Variants in IRX4 observed in about 807,000 individuals in gnomAD.
IRX4 encodes the protein iroquois-class homeodomain protein IRX-4.
A neutral mutation model predicts 32.0 loss-of-function variants in IRX4; 22 were observed. The ratio of observed to expected loss-of-function variants is 0.69; its 90% CI spans 0.49 to 0.98. The LOEUF is 0.98. Among genes scored for constraint, IRX4 ranks in the 50% least tolerant of loss-of-function variants. IRX4 has a pLI of 0.00. For missense variants in IRX4, 840 were observed against 744.2 expected, an observed-to-expected ratio of 1.13 and a Z score of -1.50; for synonymous variants, 379 against 351.7, an observed-to-expected ratio of 1.08 and a Z score of -0.87.
In IRX4 at chr5:1,878,652, G is replaced by T; in HGVS notation, c.877C>A (p.Pro293Thr). ...DGGLERVPAA[P>T]DGPVKEASGA... ...GAGGCCTCCTTGACCGGGCCGTCGG[G>T]CGCGGCGGGGACGCGCTCCAGACCG... is the stretch of plus-strand genomic sequence containing the variant. Residue 293 changes from proline to threonine, a missense_variant, in exon 5 of 5, where the codon CCC becomes ACC. Physicochemically the swap from Pro to Thr is conservative, Grantham distance 38 (BLOSUM62 -1). Around this residue, in one of 3 missense-constraint regions of IRX4, gnomAD observed 585 missense variants for 488.0 expected, o/e 1.20. Transcript: ENST00000231357. 6.4e-7 allele frequency: 1 copy of T among 1,565,328 alleles called. No homozygotes were observed. The highest frequency in any genetic ancestry group is 8.7e-7 in the Non-Finnish European group (1 of 1,155,676).
rs767917402 is a variant in IRX4, at chr5:1,880,860, G to A, written c.298-26C>T. 20 of 1,578,102 alleles carry A rather than the reference G, an allele frequency of 1.3e-5. No homozygotes were observed. The Admixed American group carries it at 2.2e-4, about 17-fold the overall frequency. ...CTGTGGGAGCCAAGAGTCTGGGGTC[G>A]CAGTTTCCAGGGAGGCAACCCCACT... On this transcript the variant is annotated intron_variant, in intron 2 of 4. Transcript: ENST00000231357.
At position 1,881,901 on chromosome 5, in the gene IRX4, C is replaced by T. The variant is rs1481344275; in HGVS notation, c.204G>A (p.Ala68=). The T allele has an allele frequency of 6.3e-7, 1 of 1,584,936 alleles. No individual in the cohort carries two copies. Among genetic ancestry groups the T allele is most frequent in the Non-Finnish European group, 8.6e-7 (1 of 1,166,478 alleles). ...AGGGACCCCCATAGACGCCCAGCGC[C>T]GCGGCCGAGTTGAGCTCGTGGCGCG... ...ATARHELNSA[A]ALGVYGGPYG... is the part of the protein sequence containing the mutation. The change falls in exon 2 of 5, where the codon GCG becomes GCA. Residue 68 remains alanine (A), a synonymous_variant. Coordinates refer to ENST00000231357, the MANE Select transcript of IRX4 (RefSeq NM_016358.3).
chr5:1,883,578 C>T (rs748184357), upstream of IRX4, among the ~76,000 whole-genome samples: 1 of 152,246 alleles, frequency 6.6e-6, no homozygotes, highest in South Asian at 2.1e-4. Context: ...TTAGTTGGAG[C>T]CCGACACCCT....
At position 1,877,804 on chromosome 5, in the gene IRX4, G is replaced by T; in HGVS notation, c.*165C>A. On this transcript the variant is annotated 3_prime_UTR_variant, in exon 5 of 5. Transcript: ENST00000231357. Reference sequence around the variant, plus strand: ...GCGGTGGAGGCCCCGGCGTGGCAGCGCCGGGCTTGTCCATGTTCCCAGGAG... The same window carrying T: ...GCGGTGGAGGCCCCGGCGTGGCAGCTCCGGGCTTGTCCATGTTCCCAGGAG... 1.5e-6 allele frequency: 1 copy of T among 668,204 alleles called. No homozygotes were observed. Among genetic ancestry groups the T allele is most frequent in the Non-Finnish European group, 2.4e-6 (1 of 420,780 alleles). The allele number at this position is 668,204 out of a possible 1,614,324, so 41.4% of individuals were successfully genotyped here. A position where few individuals can be genotyped will look rare whatever the true frequency, so the allele number is the denominator to read the frequency against.
At chr5:1,883,266 G>A (rs892022621), upstream of IRX4, among the ~76,000 whole-genome samples, 4 of 152,182 alleles carry the variant, frequency 2.6e-5, no homozygotes, top group African/African-American at 9.7e-5. Context: ...GTAATCATTC[G>A]TCTCAATTAC....
At chr5:1,884,571 G>T (rs1735568856), upstream of IRX4, 1 of 152,250 alleles carries the variant, frequency 6.6e-6, no homozygotes, top group South Asian at 2.1e-4. Flanking sequence ...ATGAATAGCC[G>T]CTCCATGCAA....
In IRX4 at chr5:1,882,057, G is replaced by C; in HGVS notation, c.48C>G (p.Phe16Leu). 1 of 1,552,930 alleles carries C rather than the reference G, an allele frequency of 6.4e-7. No individual in the cohort carries two copies. The highest frequency in any genetic ancestry group is 8.7e-7 in the Non-Finnish European group (1 of 1,149,888). Residue 16 changes from phenylalanine (F) to leucine (L), a missense_variant and splice_region_variant, in exon 2 of 5, where the codon TTC (phenylalanine) becomes TTG (leucine). Around this residue, in one of 3 missense-constraint regions of IRX4, gnomAD observed 241 missense variants for 220.8 expected, o/e 1.09. Coordinates refer to ENST00000231357, the MANE Select transcript of IRX4 (RefSeq NM_016358.3). ...TGCTCAGGGAGTTGGTGGCCATCAA[G>C]AACTGCAGAGAGAGGCCGCGAGGAC... The part of the protein sequence containing the change: ...FGYPYSSAPQ[F>L]LMATNSLSTC...
upstream of IRX4, among the ~76,000 whole-genome samples, chr5:1,885,061 G>C (rs116333777): frequency 6.6e-6 from 1 of 152,156 alleles, no homozygotes; most frequent in African/African-American, 2.4e-5. Context: ...ACCTATACTC[G>C]GGGACCTGGC....
At position 1,877,750 on chromosome 5, in the gene IRX4, G is replaced by C; in HGVS notation, c.*219C>G. The C allele has an allele frequency of 1.9e-6, 1 of 529,822 alleles. No homozygotes were observed. The highest frequency in any genetic ancestry group is 3.3e-6 in the Non-Finnish European group (1 of 305,674). The allele number at this position is 529,822 out of a possible 1,614,324, so 32.8% of individuals were successfully genotyped here. A position where few individuals can be genotyped will look rare whatever the true frequency, so the allele number is the denominator to read the frequency against. On this transcript the variant is annotated 3_prime_UTR_variant, in exon 5 of 5. Transcript: ENST00000231357. ...GCCTCTCCTTCCGCGTCCCAAATTT[G>C]GGAATGGCCCGGTCAGGCTCAGGCC...
Position 1,882,013 on chromosome 5 carries a change from C to T in IRX4, c.92G>A (p.Gly31Asp), listed in dbSNP as rs972663748. ...NSLSTCCESG[G>D]RTLADSGPAA... The stretch of plus-strand genomic sequence containing the variant: ...GGGCCCGGAGTCCGCCAGCGTGCGG[C>T]CTCCGGACTCGCAGCACGTGCTCAG... Residue 31 changes from glycine to aspartate, a missense_variant, in exon 2 of 5, where the codon GGC (glycine) becomes GAC (aspartate). Physicochemically the swap from Gly to Asp is moderately conservative, Grantham distance 94. This residue lies in a region of IRX4 where 241 missense variants were observed against 220.8 expected (regional missense o/e 1.09). Transcript: ENST00000231357. 15 of 1,547,986 alleles carry T rather than the reference C, an allele frequency of 9.7e-6. No homozygotes were observed. The highest frequency in any genetic ancestry group is 1.2e-5 in the Non-Finnish European group (14 of 1,146,778).
At chr5:1,880,067 G>A (rs544290020) in intron 3 of IRX4, 4 of 1,533,946 alleles carry the variant, frequency 2.6e-6, no homozygotes, top group East Asian at 2.4e-5. Flanking sequence ...TAAACTTACA[G>A]GGAGCCTGGG....
At chr5:1,885,037 C>T (rs1034089988), upstream of IRX4, among the ~76,000 whole-genome samples, 3 of 152,224 alleles carry the variant, frequency 2.0e-5, no homozygotes, top group Admixed American at 6.5e-5. Context: ...TCAGCTGTGG[C>T]TTGTCCTTTC....
chr5:1,884,233 G>C (rs1579257627), upstream of IRX4: 2 of 152,296 alleles, frequency 1.3e-5, no homozygotes, highest in Admixed American at 1.3e-4. Context: ...AAGTTGGGAA[G>C]GAAGCCGTGC....
At position 1,877,476 on chromosome 5, in the gene IRX4, C is replaced by G. The variant is rs1304328088; in HGVS notation, c.*493G>C. On this transcript the variant is annotated 3_prime_UTR_variant, in exon 5 of 5. Coordinates refer to ENST00000231357, the MANE Select transcript of IRX4 (RefSeq NM_016358.3). ...TTGTTATATTAGCCTCTGAAGCAGG[C>G]AATTATTGGTGTGAACATACATCTT... The G allele has an allele frequency of 6.5e-6, 1 of 154,662 alleles. No individual in the cohort carries two copies. The highest frequency in any genetic ancestry group is 1.9e-4 in the East Asian group (1 of 5,264). 9.6% of individuals were successfully genotyped at this position (154,662 alleles called of 1,614,324 possible).
At chr5:1,886,552 A>C (rs1049514539), upstream of IRX4, among the ~76,000 whole-genome samples, 4 of 152,114 alleles carry the variant, frequency 2.6e-5, no homozygotes, top group African/African-American at 9.7e-5. Flanking sequence ...CAAGCGGTGA[A>C]TCTCTGGATT....
intron 1 of IRX4, 130 bp downstream of exon 1, chr5:1,882,473 C>T: frequency 1.2e-6 from 1 of 803,952 alleles, no homozygotes; most frequent in Non-Finnish European, 2.0e-6. Flanking sequence ...GCGTGAGGGG[C>T]GCGCGACCCA....
chr5:1,879,255 C>T (rs1238387148), intron 4 of IRX4, among the ~76,000 whole-genome samples: 3 of 152,002 alleles, frequency 2.0e-5, no homozygotes, highest in Admixed American at 6.6e-5. Context: ...CCTTCCAAAG[C>T]GCTGGGATTA....
At chr5:1,885,498 C>T (rs1410968077), upstream of IRX4, among the ~76,000 whole-genome samples, 1 of 152,208 alleles carries the variant, frequency 6.6e-6, no homozygotes, top group African/African-American at 2.4e-5. Context: ...ACACACGCTC[C>T]ACTTCCTGCC....
At position 1,877,836 on chromosome 5, in the gene IRX4, T is replaced by C. The variant is rs532485330; in HGVS notation, c.*133A>G. ...TTGTCCATGTTCCCAGGAGTCCAAG[T>C]TCAGAAGCCCCCTCTCCGGTGGGTT... On this transcript the variant is annotated 3_prime_UTR_variant, in exon 5 of 5. Transcript: ENST00000231357. 2 of 835,814 alleles carry C rather than the reference T, an allele frequency of 2.4e-6. No individual in the cohort carries two copies. The highest frequency in any genetic ancestry group is 3.6e-5 in the African/African-American group (2 of 54,802). 51.8% of individuals were successfully genotyped at this position (835,814 alleles called of 1,614,324 possible). A position where few individuals can be genotyped will look rare whatever the true frequency, so the allele number is the denominator to read the frequency against.
Sources: gnomAD v4.1 joint callset for allele counts (sites outside exome capture counted in the v4.1 genomes callset) on GRCh38, gnomAD v4.1.1 for gene constraint, gnomAD v4.1.1 regional missense constraint, MANE v1.5 for transcripts, NCBI Gene and HGNC (gene_info 2026-07-23, HGNC 2026-07-21) for gene names.